ANKH: variants seen among roughly 807,000 people sequenced by gnomAD.
The protein encoded by ANKH is ANKH inorganic pyrophosphate transport regulator, also known as mineralization regulator ANKH.
Under a neutral mutation model 49.0 loss-of-function variants are expected in ANKH, and 15 were observed. That is an observed-to-expected ratio of 0.31 (90% CI 0.20 to 0.47). ANKH has a LOEUF of 0.47. Among genes scored for constraint, ANKH ranks in the 20% least tolerant of loss-of-function variants. The probability of loss-of-function intolerance (pLI) is 1.00; values close to 1 mark genes in which losing one functional copy is unlikely to be tolerated. For synonymous variants in ANKH, 273 were observed against 260.0 expected (o/e 1.05, Z -0.48); for missense variants, 429 against 652.0 (o/e 0.66, Z 3.72).
chr5:14,759,436 T>C (rs1243817636), intron 2 of ANKH, among the ~76,000 whole-genome samples: 1 of 152,108 alleles, frequency 6.6e-6, no homozygotes, highest in South Asian at 2.1e-4. Flanking sequence ...TTCACCTCAT[T>C]GATAGAAGTT....
chr5:14,726,737 A>G (rs1423292436), intron 8 of ANKH, among the ~76,000 whole-genome samples: 1 of 152,196 alleles, frequency 6.6e-6, no homozygotes, highest in Non-Finnish European at 1.5e-5. Context: ...CAGATTCCCA[A>G]TTTAGAAGGA....
At chr5:14,757,426 A>C (rs1300722681) in intron 3 of ANKH, among the ~76,000 whole-genome samples, 17 of 130,114 alleles carry the variant, frequency 1.3e-4, no homozygotes, top group African/African-American at 4.5e-4. Flanking sequence ...ATATATATAT[A>C]TATATTTTTT....
At chr5:14,726,021 T>C (rs1172610836) in intron 8 of ANKH, among the ~76,000 whole-genome samples, 1 of 152,188 alleles carries the variant, frequency 6.6e-6, no homozygotes, top group Non-Finnish European at 1.5e-5. Flanking sequence ...CAAATGTGAT[T>C]GGGACAGGAA....
At chr5:14,797,773 C>T (rs750548853) in intron 1 of ANKH, 112 of 1,610,916 alleles carry the variant, frequency 7.0e-5, no homozygotes, top group Non-Finnish European at 9.2e-5. Context: ...TCCTTTGGAA[C>T]GGCACTGATG....
intron 8 of ANKH, chr5:14,724,572 G>T (rs1042229258): frequency 1.1e-5 from 11 of 985,230 alleles, no homozygotes; most frequent in Middle Eastern, 5.2e-4. Flanking sequence ...GCTACAGTCC[G>T]AAACAGAGCT....
chr5:14,849,482 G>C (rs924190637), intron 1 of ANKH, among the ~76,000 whole-genome samples: 1 of 152,144 alleles, frequency 6.6e-6, no homozygotes, highest in Non-Finnish European at 1.5e-5. Context: ...CAGGGAGGGC[G>C]GGAAGGTGAG....
chr5:14,839,742 C>T (rs1359112782), intron 1 of ANKH, among the ~76,000 whole-genome samples: 1 of 152,114 alleles, frequency 6.6e-6, no homozygotes, highest in Non-Finnish European at 1.5e-5. Flanking sequence ...CATTTTTAGC[C>T]TTTCATCTTC....
chr5:14,728,171 C>G (rs904076266), intron 8 of ANKH, among the ~76,000 whole-genome samples: 1 of 152,266 alleles, frequency 6.6e-6, no homozygotes, highest in South Asian at 2.1e-4. Context: ...GCGCCAACAG[C>G]GCTCCATATG....
intron 1 of ANKH, among the ~76,000 whole-genome samples, chr5:14,771,146 A>G (rs1739417727): frequency 6.6e-6 from 1 of 152,262 alleles, no homozygotes; most frequent in Admixed American, 6.5e-5. Flanking sequence ...CGGGTGCTTG[A>G]AAGAGGAAAG....
At position 14,708,352 on chromosome 5, in the gene ANKH, GTC is replaced by G. The variant is rs1737021098; in HGVS notation, c.*2843_*2844del. The G allele has an allele frequency of 6.6e-6, 1 of 152,226 alleles. No homozygotes were observed. Among genetic ancestry groups the G allele is most frequent in the Non-Finnish European group, 1.5e-5 (1 of 68,038 alleles). The allele number at this position is 152,226 out of a possible 1,614,324, so 9.4% of individuals were successfully genotyped here. A position where few individuals can be genotyped will look rare whatever the true frequency, so the allele number is the denominator to read the frequency against. On this transcript the variant is annotated 3_prime_UTR_variant, in exon 12 of 12. Coordinates refer to ENST00000284268, the MANE Select transcript of ANKH (RefSeq NM_054027.6). ...AAGCAATCACTCAGTTTTGGAGAAAGTCACACCTGGTCTTTCCCTGGTCTTTG... is the reference window on the plus strand; with the variant it reads ...AAGCAATCACTCAGTTTTGGAGAAAGACACCTGGTCTTTCCCTGGTCTTTG...
chr5:14,824,809 C>T (rs1386901562), intron 1 of ANKH, among the ~76,000 whole-genome samples: 1 of 152,104 alleles, frequency 6.6e-6, no homozygotes, highest in African/African-American at 2.4e-5. Flanking sequence ...ATATCAGTAG[C>T]CTCCCACCTC....
chr5:14,826,426 T>C (rs1179588233), intron 1 of ANKH, among the ~76,000 whole-genome samples: 2 of 152,234 alleles, frequency 1.3e-5, no homozygotes, highest in East Asian at 3.8e-4. Flanking sequence ...TTCTTCCTGT[T>C]TGTGCTTCTT....
intron 1 of ANKH, among the ~76,000 whole-genome samples, chr5:14,772,159 C>T (rs1346400431): frequency 1.3e-5 from 2 of 152,120 alleles, no homozygotes; most frequent in Admixed American, 1.3e-4. Flanking sequence ...TCCAGTGTCA[C>T]AGACTCTGGC....
intron 1 of ANKH, chr5:14,869,189 TTCTATTCA>T (rs1321925834): frequency 6.6e-6 from 1 of 152,242 alleles, no homozygotes; most frequent in Non-Finnish European, 1.5e-5. Flanking sequence ...TAAAGTGTTC[TTCTATTCA>T]TCACCCACAC....
intron 1 of ANKH, among the ~76,000 whole-genome samples, chr5:14,861,037 CCTCCCAAAGTGCT>C (rs1229341658): frequency 1.3e-5 from 2 of 152,110 alleles, no homozygotes; most frequent in African/African-American, 4.8e-5. Flanking sequence ...CCCACCTAGG[CCTCCCAAAGTGCT>C]GGCAGGCATG....
chr5:14,771,994 T>C (rs1739458351), intron 1 of ANKH, among the ~76,000 whole-genome samples: 2 of 150,606 alleles, frequency 1.3e-5, no homozygotes, highest in African/African-American at 4.9e-5. Context: ...TAATTGGATG[T>C]CATTGATTGT....
At chr5:14,730,979 C>T (rs896342634) in intron 8 of ANKH, among the ~76,000 whole-genome samples, 1 of 152,220 alleles carries the variant, frequency 6.6e-6, no homozygotes, top group East Asian at 1.9e-4. Context: ...TAAGGAAGCA[C>T]CTGCCTGCCA....
At chr5:14,789,004 G>A (rs1379208139) in intron 1 of ANKH, among the ~76,000 whole-genome samples, 1 of 152,172 alleles carries the variant, frequency 6.6e-6, no homozygotes, top group African/African-American at 2.4e-5. Context: ...CGAGGCGGGT[G>A]GATCACCTGA....
chr5:14,825,181 T>C (rs1252654693), intron 1 of ANKH, among the ~76,000 whole-genome samples: 1 of 152,220 alleles, frequency 6.6e-6, no homozygotes, highest in Admixed American at 6.5e-5. Context: ...CAAAAACGAC[T>C]GGGCAAATAC....
Sources: gnomAD v4.1 joint callset for allele counts (sites outside exome capture counted in the v4.1 genomes callset) on GRCh38, gnomAD v4.1.1 for gene constraint, MANE v1.5 for transcripts, NCBI Gene and HGNC (gene_info 2026-07-23, HGNC 2026-07-21) for gene names.